The following S100Z variants were observed in gnomAD, a reference collection of about 807,000 sequenced individuals.
S100Z encodes protein S100-Z.
A neutral mutation model predicts 8.5 loss-of-function variants in S100Z; 11 were observed. The observed-to-expected ratio is 1.30, with a 90% confidence interval of 0.82 to 2.15. The LOEUF (loss-of-function observed/expected upper bound fraction) is 2.15. S100Z is among the 30% of genes most tolerant of loss of function. The probability of loss-of-function intolerance (pLI) is 0.00; values close to 1 mark genes in which losing one functional copy is unlikely to be tolerated. For missense variants in S100Z, 126 were observed against 117.9 expected (o/e 1.07, Z -0.32); for synonymous variants, 34 against 43.8 (o/e 0.78, Z 0.89).
intron 4 of S100Z, among the ~76,000 whole-genome samples, chr5:76,884,080 T>A (rs754858133): frequency 2.6e-5 from 4 of 152,216 alleles, no homozygotes; most frequent in Non-Finnish European, 5.9e-5. Flanking sequence ...TTTTGGAGCT[T>A]TATTTAATGT....
At chr5:76,890,610 A>G (rs919870744) in intron 4 of S100Z, among the ~76,000 whole-genome samples, 2 of 152,132 alleles carry the variant, frequency 1.3e-5, no homozygotes, top group Non-Finnish European at 2.9e-5. Flanking sequence ...TGATTGTGCC[A>G]CCACACTAGC....
downstream of S100Z, among the ~76,000 whole-genome samples, chr5:76,923,137 C>G (rs187790208): frequency 1.3e-3 from 196 of 152,162 alleles, no homozygotes; most frequent in African/African-American, 4.6e-3. Flanking sequence ...CTCAAAACAT[C>G]TCTTTTTACA....
chr5:76,904,149 T>C (rs1464525761), intron 4 of S100Z, among the ~76,000 whole-genome samples: 1 of 152,184 alleles, frequency 6.6e-6, no homozygotes, highest in African/African-American at 2.4e-5. Context: ...ATTATAAATA[T>C]AAGATCTTTG....
At chr5:76,926,917 G>C in the S100Z span, among the ~76,000 whole-genome samples, 2 of 152,168 alleles carry the variant, frequency 1.3e-5, no homozygotes, top group South Asian at 4.1e-4. Flanking sequence ...CCAGCTTCCT[G>C]TCTTCAATTT....
chr5:76,858,731 A>G (rs1222497771), intron 1 of S100Z, among the ~76,000 whole-genome samples: 1 of 152,198 alleles, frequency 6.6e-6, no homozygotes, highest in Non-Finnish European at 1.5e-5. Flanking sequence ...GAGTTTTTCA[A>G]TTCACATCCC....
At chr5:76,912,441 G>T (rs1354154807) in intron 4 of S100Z, among the ~76,000 whole-genome samples, 1 of 152,176 alleles carries the variant, frequency 6.6e-6, no homozygotes, top group Non-Finnish European at 1.5e-5. Context: ...GGGATATGAA[G>T]GGCAGGTTAT....
chr5:76,860,717 G>A (rs1336710489), intron 1 of S100Z, among the ~76,000 whole-genome samples: 1 of 152,106 alleles, frequency 6.6e-6, no homozygotes, highest in Non-Finnish European at 1.5e-5. Flanking sequence ...TATTAATTCT[G>A]TTAAGATATT....
At chr5:76,923,063 T>C (rs1322640905), downstream of S100Z, among the ~76,000 whole-genome samples, 2 of 151,400 alleles carry the variant, frequency 1.3e-5, no homozygotes, top group Admixed American at 1.3e-4. Context: ...ATATCACACC[T>C]AATAATTTAA....
intron 3 of S100Z, among the ~76,000 whole-genome samples, chr5:76,876,522 C>T (rs967364978): frequency 3.9e-5 from 6 of 151,980 alleles, no homozygotes; most frequent in East Asian, 1.9e-4. Flanking sequence ...GCATGCACCA[C>T]GACACCCAGC....
At chr5:76,892,235 G>A (rs1270077984) in intron 4 of S100Z, among the ~76,000 whole-genome samples, 1 of 152,154 alleles carries the variant, frequency 6.6e-6, no homozygotes, top group Non-Finnish European at 1.5e-5. Flanking sequence ...GGCAGAACAA[G>A]AGTTTTATGC....
the S100Z span, among the ~76,000 whole-genome samples, chr5:76,945,347 C>T: frequency 6.6e-6 from 1 of 152,166 alleles, no homozygotes; most frequent in South Asian, 2.1e-4. Flanking sequence ...AAAGACCTGA[C>T]CGTCCCCCAG....
chr5:76,890,751 G>C (rs970754443), intron 4 of S100Z, among the ~76,000 whole-genome samples: 1 of 152,240 alleles, frequency 6.6e-6, no homozygotes, highest in Non-Finnish European at 1.5e-5. Flanking sequence ...GATGGAGCTA[G>C]AGAGGTGAAC....
At chr5:76,905,389 C>G (rs1197141894) in intron 4 of S100Z, among the ~76,000 whole-genome samples, 8 of 151,828 alleles carry the variant, frequency 5.3e-5, no homozygotes, top group Non-Finnish European at 1.2e-4. Flanking sequence ...ATCTATGATT[C>G]ATTTTGAGTT....
At chr5:76,927,915 T>C in the S100Z span, among the ~76,000 whole-genome samples, 922 of 152,144 alleles carry the variant, frequency 6.1e-3, 8 homozygotes, top group African/African-American at 0.02. Flanking sequence ...AAAAGCCAGG[T>C]TCAAGCTGAA....
chr5:76,948,989 G>C, the S100Z span: 4 of 152,156 alleles, frequency 2.6e-5, no homozygotes, highest in Non-Finnish European at 5.9e-5. Flanking sequence ...AATAACTGAT[G>C]GGTACTAGGC....
the S100Z span, among the ~76,000 whole-genome samples, chr5:76,938,932 G>A: frequency 6.6e-6 from 1 of 151,980 alleles, no homozygotes; most frequent in Non-Finnish European, 1.5e-5. Context: ...ATATCTCACT[G>A]CCTCCCTATG....
At chr5:76,906,593 G>A (rs1304782574) in intron 4 of S100Z, among the ~76,000 whole-genome samples, 7 of 151,728 alleles carry the variant, frequency 4.6e-5, no homozygotes, top group Non-Finnish European at 1.5e-5. Flanking sequence ...TCATGTTGCT[G>A]CAAATGACAC....
chr5:76,879,857 G>A (rs867846993), intron 4 of S100Z, among the ~76,000 whole-genome samples: 22 of 152,288 alleles, frequency 1.4e-4, no homozygotes, highest in African/African-American at 4.8e-4. Context: ...GGTGAAGTAG[G>A]ATGAGAACGA....
the S100Z span, among the ~76,000 whole-genome samples, chr5:76,945,858 A>G: frequency 1.3e-5 from 2 of 152,028 alleles, no homozygotes; most frequent in Admixed American, 6.5e-5. Context: ...TTCTTTCTCT[A>G]TACTTTGTCT....
Sources: allele counts gnomAD v4.1 joint callset (sites outside exome capture counted in the v4.1 genomes callset), GRCh38; gene constraint gnomAD v4.1.1; transcripts MANE v1.5; gene names NCBI Gene and HGNC (gene_info 2026-07-23, HGNC 2026-07-21).